The following LPIN1 variants were observed in gnomAD, a reference collection of about 807,000 sequenced individuals.
LPIN1 encodes the protein lipin 1, also known as phosphatidate phosphatase LPIN1.
A neutral mutation model predicts 107.5 loss-of-function variants in LPIN1; 71 were observed. The ratio of observed to expected loss-of-function variants is 0.66; its 90% CI spans 0.55 to 0.80. LPIN1 has a LOEUF of 0.80. LPIN1 is among the 30% of genes least tolerant of loss of function. The pLI is 0.00. For missense variants in LPIN1, 1,043 were observed against 1,160.6 expected, an observed-to-expected ratio of 0.90 and a Z score of 1.47; for synonymous variants, 445 against 452.6, an observed-to-expected ratio of 0.98 and a Z score of 0.21.
In LPIN1 at chr2:11,785,076, G is replaced by T; in HGVS notation, c.1549G>T (p.Asp517Tyr). 1 of 1,560,192 alleles carries T rather than the reference G, an allele frequency of 6.4e-7. No individual in the cohort carries two copies. Among genetic ancestry groups the T allele is most frequent in the Non-Finnish European group, 8.6e-7 (1 of 1,156,270 alleles). The change falls in exon 10 of 21, where the codon GAT (aspartate) becomes TAT (tyrosine). Residue 517 changes from aspartate to tyrosine, a missense_variant and splice_region_variant. Transcript: ENST00000674199. ...GLSDHREITK[D>Y]AFLEQAVSYQ... is the part of the protein sequence containing the mutation. The stretch of plus-strand genomic sequence containing the variant: ...CAGCGACCACCGGGAGATCACGAAA[G>T]GTACCGCGGGCCTCGCGCGGGCGCC...
At chr2:11,703,334 T>G (rs1444808282) in intron 1 of LPIN1, among the ~76,000 whole-genome samples, 1 of 152,148 alleles carries the variant, frequency 6.6e-6, no homozygotes, top group African/African-American at 2.4e-5. Flanking sequence ...GCCTGGCTCA[T>G]AGTGACCAAT....
rs1335539640 is a variant in LPIN1, at chr2:11,802,121, A to ATAGT, written c.1887-786_1887-785insTAGT. Reference sequence around the variant, plus strand: ...TTACTAAGTGATTCATATAGCATTGAGGCATTTTCAAAGATAGTGGTCCTG... The same window carrying ATAGT: ...TTACTAAGTGATTCATATAGCATTGATAGTGGCATTTTCAAAGATAGTGGTCCTG... On this transcript the variant is annotated intron_variant, in intron 14 of 20. Coordinates refer to ENST00000674199, the MANE Select transcript of LPIN1 (RefSeq NM_001349206.2). 6.4e-3 allele frequency among the ~76,000 whole-genome samples: 970 copies of ATAGT among 152,280 alleles called. 14 individuals are homozygous for ATAGT. The highest frequency in any genetic ancestry group is 0.022 in the African/African-American group (913 of 41,534).
At chr2:11,678,609 G>A (rs1436726835) in intron 1 of LPIN1, among the ~76,000 whole-genome samples, 1 of 152,194 alleles carries the variant, frequency 6.6e-6, no homozygotes, top group Non-Finnish European at 1.5e-5. Context: ...ACCTCCCGCT[G>A]CTGGACCCCA....
intron 1 of LPIN1, among the ~76,000 whole-genome samples, chr2:11,691,979 TCTAA>T (rs1662294834): frequency 6.6e-6 from 1 of 152,252 alleles, no homozygotes; most frequent in South Asian, 2.1e-4. Context: ...GATTTGCCAA[TCTAA>T]CTATTCTATG....
intron 1 of LPIN1, among the ~76,000 whole-genome samples, chr2:11,739,111 T>G (rs576377021): frequency 1.1e-4 from 16 of 152,324 alleles, no homozygotes; most frequent in African/African-American, 3.9e-4. Context: ...GACTAGGGTG[T>G]AGAAAGCCTT....
chr2:11,747,735 A>C (rs549281371), intron 1 of LPIN1, among the ~76,000 whole-genome samples: 17 of 152,374 alleles, frequency 1.1e-4, no homozygotes, highest in African/African-American at 3.6e-4. Flanking sequence ...ACACATGAAC[A>C]CTTTTCTTGC....
intron 1 of LPIN1, among the ~76,000 whole-genome samples, chr2:11,689,726 A>G (rs1301786924): frequency 6.6e-6 from 1 of 152,198 alleles, no homozygotes; most frequent in African/African-American, 2.4e-5. Flanking sequence ...CAACATGGCG[A>G]AACCCCATCT....
chr2:11,803,549 C>T lies in LPIN1; in HGVS notation c.2013+516C>T, dbSNP rs1678148973. ...AAGCCCTTTCTTGGATCCCGTTGGTCATGGCCAGTGAGCACCTGTCCTTGC... is the reference window on the plus strand; with the variant it reads ...AAGCCCTTTCTTGGATCCCGTTGGTTATGGCCAGTGAGCACCTGTCCTTGC... On this transcript the variant is annotated intron_variant, in intron 15 of 20. Coordinates refer to ENST00000674199, the MANE Select transcript of LPIN1 (RefSeq NM_001349206.2). This position sits in a 1 kb window ranked among gnomAD's most constrained non-coding sequence, Gnocchi z 4.2. 6.6e-6 allele frequency among the ~76,000 whole-genome samples: 1 copy of T among 152,214 alleles called. No individual in the cohort carries two copies. The highest frequency in any genetic ancestry group is 2.4e-5 in the African/African-American group (1 of 41,454).
At chr2:11,759,570 A>G (rs1338399599) in intron 1 of LPIN1, among the ~76,000 whole-genome samples, 1 of 152,190 alleles carries the variant, frequency 6.6e-6, no homozygotes, top group Non-Finnish European at 1.5e-5. Context: ...GGAGTCTCCT[A>G]TGTCTACTTC....
At chr2:11,725,181 A>T (rs550209897) in intron 1 of LPIN1, among the ~76,000 whole-genome samples, 1 of 152,340 alleles carries the variant, frequency 6.6e-6, no homozygotes, top group South Asian at 2.1e-4. Flanking sequence ...GAATGGCGTG[A>T]ACCCAGGAGG....
rs1674240804 is a variant in LPIN1 at position 11,784,866 on chromosome 2, G to A, written c.1359-20G>A. On this transcript the variant is annotated intron_variant, in intron 9 of 20. Transcript: ENST00000674199. ...CTGGGACAGTCCTCAGCCGGTCTCTGCCGCTTTTCCTCCTTCCAGCGGAGA... is the reference window on the plus strand; with the variant it reads ...CTGGGACAGTCCTCAGCCGGTCTCTACCGCTTTTCCTCCTTCCAGCGGAGA... The A allele has an allele frequency of 6.2e-7, 1 of 1,613,166 alleles. No individual in the cohort carries two copies. Among genetic ancestry groups the A allele is most frequent in the African/African-American group, 1.3e-5 (1 of 74,952 alleles).
At chr2:11,824,482 G>A (rs567813250) in intron 20 of LPIN1, 150 bp from the exon 21 acceptor site, 10 of 739,908 alleles carry the variant, frequency 1.4e-5, no homozygotes, top group African/African-American at 5.2e-5. Context: ...TCAATTAATC[G>A]ATAACAAATT....
chr2:11,683,771 G>C (rs1433369170), intron 1 of LPIN1, among the ~76,000 whole-genome samples: 1 of 152,212 alleles, frequency 6.6e-6, no homozygotes, highest in Non-Finnish European at 1.5e-5. Context: ...TGAACATCCT[G>C]CTGCACCTGA....
intron 1 of LPIN1, among the ~76,000 whole-genome samples, chr2:11,751,538 T>C (rs141874654): frequency 2.0e-5 from 3 of 152,316 alleles, no homozygotes; most frequent in Non-Finnish European, 4.4e-5. Context: ...CATATCAAAA[T>C]ATGTACAAAT....
Position 11,771,472 on chromosome 2 carries a change from G to A in LPIN1, c.389G>A (p.Gly130Asp). Reference protein sequence around the residue: ...LKRGSVDRMRGLDPSTPAQVI... With the variant: ...LKRGSVDRMRDLDPSTPAQVI... ...AGGGGCTCTGTGGACAGGATGAGAG[G>A]CCTGGACCCCAGCACGCCAGCCCAA... The change falls in exon 4 of 21, where the codon GGC becomes GAC. Residue 130 changes from glycine to aspartate, a missense_variant. Transcript: ENST00000674199. This position sits in a 1 kb window ranked among gnomAD's most constrained non-coding sequence, Gnocchi z 4.8. 6.2e-7 allele frequency: 1 copy of A among 1,614,248 alleles called. No individual in the cohort carries two copies. The highest frequency in any genetic ancestry group is 8.5e-7 in the Non-Finnish European group (1 of 1,180,050).
intron 1 of LPIN1, among the ~76,000 whole-genome samples, chr2:11,751,807 G>C (rs1410923725): frequency 2.6e-5 from 4 of 152,182 alleles, no homozygotes; most frequent in Admixed American, 1.3e-4. Flanking sequence ...AGCCGAGATT[G>C]CGCCACTGCC....
intron 17 of LPIN1, among the ~76,000 whole-genome samples, chr2:11,811,994 A>T (rs28692496): frequency 2.0e-5 from 3 of 151,750 alleles, no homozygotes; most frequent in Non-Finnish European, 4.4e-5. Flanking sequence ...AAAAAAAAAG[A>T]AAAAAAAAGA....
intron 1 of LPIN1, among the ~76,000 whole-genome samples, chr2:11,708,202 A>T (rs1226403309): frequency 6.6e-6 from 1 of 152,208 alleles, no homozygotes; most frequent in East Asian, 1.9e-4. Flanking sequence ...GCCCCCCGAC[A>T]GCTGGAATCC....
chr2:11,779,122 C>G (rs1471162417), intron 6 of LPIN1, among the ~76,000 whole-genome samples: 1 of 152,180 alleles, frequency 6.6e-6, no homozygotes, highest in East Asian at 1.9e-4. Flanking sequence ...CCTTTTGCAG[C>G]CCTCTGACAG....
Sources: allele counts gnomAD v4.1 joint callset (sites outside exome capture counted in the v4.1 genomes callset), GRCh38; gene constraint gnomAD v4.1.1; non-coding constraint Gnocchi (gnomAD v3.1); transcripts MANE v1.5; gene names NCBI Gene and HGNC (gene_info 2026-07-23, HGNC 2026-07-21).